The following ZNF423 variants were observed in gnomAD, a reference collection of about 807,000 sequenced individuals.
ZNF423 encodes the protein zinc finger protein 423, also known as Ebf-associated zinc finger protein.
ZNF423 carries 12 observed loss-of-function variants against 95.8 expected under a neutral mutation model. The observed-to-expected ratio is 0.13, with a 90% CI of 0.08 to 0.20. The LOEUF (loss-of-function observed/expected upper bound fraction) is 0.20, where lower values mean the gene tolerates loss of function less well. ZNF423 is among the 10% of genes least tolerant of loss of function. ZNF423 has a pLI of 1.00. For synonymous variants in ZNF423, 749 were observed against 711.9 expected (o/e 1.05, Z -0.83); for missense variants, 1,316 against 1,737.1 (o/e 0.76, Z 4.31).
intron 5 of ZNF423, among the ~76,000 whole-genome samples, chr16:49,597,834 G>T (rs1440299909): frequency 6.6e-6 from 1 of 152,156 alleles, no homozygotes; most frequent in Non-Finnish European, 1.5e-5. Flanking sequence ...ATTTAACACA[G>T]ACTTTACAAA....
intron 7 of ZNF423, among the ~76,000 whole-genome samples, chr16:49,514,767 C>T (rs1567435984): frequency 1.3e-5 from 2 of 152,252 alleles, no homozygotes; most frequent in Non-Finnish European, 1.5e-5. Flanking sequence ...ACCGCGGGCC[C>T]GGCTCACGGA....
intron 1 of ZNF423, among the ~76,000 whole-genome samples, chr16:49,803,920 C>A (rs974725222): frequency 2.1e-5 from 3 of 140,386 alleles, no homozygotes; most frequent in Non-Finnish European, 4.5e-5. Context: ...CGGCCCAGGG[C>A]TAGGATGAGT....
chr16:49,677,228 A>AAGAGAAGAG (rs2031091665), intron 3 of ZNF423, among the ~76,000 whole-genome samples: 9 of 57,202 alleles, frequency 1.6e-4, no homozygotes, highest in East Asian at 5.6e-4. Context: ...AGAAACAAGA[A>AAGAGAAGAG]AAGAGAAGAG....
intron 1 of ZNF423, among the ~76,000 whole-genome samples, chr16:49,844,116 T>TAAA (rs563357549): frequency 7.6e-6 from 1 of 132,330 alleles, no homozygotes; most frequent in Non-Finnish European, 1.6e-5. Flanking sequence ...CTCCATCTGT[T>TAAA]AAAAAAAAAA....
At chr16:49,526,915 C>T (rs1179066625) in intron 5 of ZNF423, among the ~76,000 whole-genome samples, 1 of 152,218 alleles carries the variant, frequency 6.6e-6, no homozygotes, top group African/African-American at 2.4e-5. Context: ...CTGGGACAGC[C>T]AAGGACACGG....
intron 1 of ZNF423, among the ~76,000 whole-genome samples, chr16:49,836,197 C>A (rs2035118172): frequency 6.6e-6 from 1 of 152,156 alleles, no homozygotes; most frequent in South Asian, 2.1e-4. Context: ...TTGTGCCAGG[C>A]CTTGAACCTT....
chr16:49,625,868 T>A (rs1972244052), intron 5 of ZNF423, among the ~76,000 whole-genome samples: 1 of 152,246 alleles, frequency 6.6e-6, no homozygotes, highest in African/African-American at 2.4e-5. Flanking sequence ...AATTGAAGCA[T>A]AATTGCTCCT....
Position 49,854,885 on chromosome 16 carries a change from A to C in ZNF423, c.40+850T>G, listed in dbSNP as rs539968016. 1.1e-4 allele frequency: 112 copies of C among 985,270 alleles called. No homozygotes were observed. The African/African-American group carries it at 2.0e-3, about 17-fold the overall frequency. The allele number at this position is 985,270 out of a possible 1,614,324, so 61.0% of individuals were successfully genotyped here. A position where few individuals can be genotyped will look rare whatever the true frequency, so the allele number is the denominator to read the frequency against. On this transcript the variant is annotated intron_variant, in intron 1 of 7. Coordinates refer to ENST00000563137, the MANE Select transcript of ZNF423 (RefSeq NM_001379286.1). ...ACAAACGCGCGCACCCCGGGGAGCC[A>C]GCACAGAAAGCCGGCCTGGGTGTCG...
chr16:49,636,851 C>A lies in ZNF423; in HGVS notation c.2325G>T (p.Val775=). 1 of 1,614,024 alleles carries A rather than the reference C, an allele frequency of 6.2e-7. No individual in the cohort carries two copies. Among genetic ancestry groups the A allele is most frequent in the Non-Finnish European group, 8.5e-7 (1 of 1,180,018 alleles). The change falls in exon 4 of 8, where the codon GTG becomes GTT. Residue 775 remains valine (V), a synonymous_variant. Transcript: ENST00000563137. The surrounding 1 kb of genome is among the most constrained non-coding windows in gnomAD (Gnocchi z 8.6). ...WDFRKEADLQ[V]HVKHSHLGNP... Reference sequence around the variant, plus strand: ...TGCCCAGGTGGCTGTGTTTGACGTGCACCTGCAGGTCAGCCTCCTTGCGGA... The same window carrying A: ...TGCCCAGGTGGCTGTGTTTGACGTGAACCTGCAGGTCAGCCTCCTTGCGGA...
intron 4 of ZNF423, among the ~76,000 whole-genome samples, chr16:49,631,573 G>T (rs940404202): frequency 2.0e-5 from 3 of 152,196 alleles, no homozygotes; most frequent in Non-Finnish European, 2.9e-5. Flanking sequence ...CAGGGCCTGT[G>T]GCCAGGGCTG....
intron 5 of ZNF423, among the ~76,000 whole-genome samples, chr16:49,593,729 AG>A (rs1355136969): frequency 6.6e-6 from 1 of 152,152 alleles, no homozygotes; most frequent in Non-Finnish European, 1.5e-5. Context: ...ATCTCCGAGA[AG>A]CCCCCAAGAC....
intron 1 of ZNF423, among the ~76,000 whole-genome samples, chr16:49,836,255 C>A (rs992922224): frequency 6.6e-6 from 1 of 152,158 alleles, no homozygotes; most frequent in Admixed American, 6.5e-5. Context: ...ACAGCCCTGC[C>A]CACCACCTGT....
rs1374399533 is a variant in ZNF423 at position 49,637,752 on chromosome 16, T to C, written c.1424A>G (p.His475Arg). 1 of 1,614,156 alleles carries C rather than the reference T, an allele frequency of 6.2e-7. No homozygotes were observed. Among genetic ancestry groups the C allele is most frequent in the African/African-American group, 1.3e-5 (1 of 75,066 alleles). ...NEHVRKLHKN[H>R]AYPVMQFGNI... ...GCCAAACTGCATCACAGGGTAGGCA[T>C]GGTTCTTGTGCAGCTTGCGAACGTG... is the stretch of plus-strand genomic sequence containing the variant. Residue 475 changes from histidine to arginine, a missense_variant, in exon 4 of 8, where the codon CAT becomes CGT. Coordinates refer to ENST00000563137, the MANE Select transcript of ZNF423 (RefSeq NM_001379286.1). The surrounding 1 kb of genome is among the most constrained non-coding windows in gnomAD (Gnocchi z 5.6).
At chr16:49,653,330 A>AC (rs1973487689) in intron 3 of ZNF423, among the ~76,000 whole-genome samples, 1 of 151,740 alleles carries the variant, frequency 6.6e-6, no homozygotes, top group Admixed American at 6.6e-5. Context: ...AAAAAAAAAA[A>AC]AGAATTCAAC....
At chr16:49,783,232 G>A (rs1315211674) in intron 2 of ZNF423, among the ~76,000 whole-genome samples, 1 of 151,628 alleles carries the variant, frequency 6.6e-6, no homozygotes, top group Non-Finnish European at 1.5e-5. Context: ...GGTAGGGTTA[G>A]GGTTAGTACC....
intron 1 of ZNF423, among the ~76,000 whole-genome samples, chr16:49,817,612 G>C (rs750116198): frequency 6.6e-6 from 1 of 152,180 alleles, no homozygotes; most frequent in Non-Finnish European, 1.5e-5. Context: ...GACAGCTGGG[G>C]AGAGTGGTGC....
intron 3 of ZNF423, among the ~76,000 whole-genome samples, 183 bp from the exon 4 acceptor site, chr16:49,639,057 G>T (rs1278291962): frequency 1.3e-5 from 2 of 152,226 alleles, no homozygotes; most frequent in African/African-American, 4.8e-5. Flanking sequence ...GTCTGCAGAG[G>T]GCACGCCAGA....
chr16:49,625,023 T>C (rs1486407397), intron 5 of ZNF423, among the ~76,000 whole-genome samples: 1 of 152,252 alleles, frequency 6.6e-6, no homozygotes, highest in African/African-American at 2.4e-5. Context: ...AGTACTCCGA[T>C]GGCATAGCTG....
chr16:49,792,332 G>A (rs756296348), intron 1 of ZNF423, among the ~76,000 whole-genome samples: 12 of 152,178 alleles, frequency 7.9e-5, no homozygotes, highest in African/African-American at 1.7e-4. Context: ...ATCTGGCCTC[G>A]GCCATAATGG....
Sources: gnomAD v4.1 joint callset for allele counts (sites outside exome capture counted in the v4.1 genomes callset) on GRCh38, gnomAD v4.1.1 for gene constraint, Gnocchi (gnomAD v3.1) non-coding constraint, MANE v1.5 for transcripts, NCBI Gene and HGNC (gene_info 2026-07-23, HGNC 2026-07-21) for gene names.